Variants in FAM135B observed in about 807,000 individuals in gnomAD.
The protein encoded by FAM135B is protein FAM135B.
FAM135B carries 43 observed loss-of-function variants against 127.7 expected under a neutral mutation model. That is an observed-to-expected ratio of 0.34 (90% CI 0.26 to 0.43). The LOEUF (loss-of-function observed/expected upper bound fraction) is 0.43. FAM135B is among the 20% of genes least tolerant of loss of function. FAM135B has a pLI of 1.00. For synonymous variants in FAM135B, 670 were observed against 665.1 expected (o/e 1.01, Z -0.11); for missense variants, 1,558 against 1,725.6 (o/e 0.90, Z 1.72).
intron 13 of FAM135B, 71 bp downstream of exon 13, chr8:138,151,123 A>T: frequency 8.3e-7 from 1 of 1,208,804 alleles, no homozygotes; most frequent in Non-Finnish European, 1.1e-6. Flanking sequence ...AACAGTATGC[A>T]TGAAATGGAG....
Position 138,140,154 on chromosome 8 carries a change from G to A in FAM135B, c.3790+1044C>T, listed in dbSNP as rs1249449131. ...GAGGAAAGACAGAGTGCAGAGGAAAGGACTTCCATTTGTTATGTGCCATTG... is the reference window on the plus strand; with the variant it reads ...GAGGAAAGACAGAGTGCAGAGGAAAAGACTTCCATTTGTTATGTGCCATTG... On this transcript the variant is annotated intron_variant, in intron 17 of 19. Coordinates refer to ENST00000395297, the MANE Select transcript of FAM135B (RefSeq NM_015912.4). 4.6e-5 allele frequency among the ~76,000 whole-genome samples: 7 copies of A among 152,314 alleles called. No homozygotes were observed. In the East Asian group the frequency reaches 1.3e-3, roughly 29 times the overall value.
chr8:138,199,976 G>A lies in FAM135B; in HGVS notation c.670-2307C>T, dbSNP rs117728148. 4.5e-3 allele frequency among the ~76,000 whole-genome samples: 689 copies of A among 152,256 alleles called. 9 individuals are homozygous for A. The highest frequency in any genetic ancestry group is 0.031 in the Admixed American group (468 of 15,292). ...CCCTAGCAGGGAAGTGTAACCTTGC[G>A]GGAGCAGCTCTCTCCAGACAGGGCA... On this transcript the variant is annotated intron_variant, in intron 7 of 19. Coordinates refer to ENST00000395297, the MANE Select transcript of FAM135B (RefSeq NM_015912.4).
At chr8:138,294,096 T>C (rs1423691754) in intron 3 of FAM135B, among the ~76,000 whole-genome samples, 1 of 152,172 alleles carries the variant, frequency 6.6e-6, no homozygotes, top group Non-Finnish European at 1.5e-5. Flanking sequence ...TATTTTGCAA[T>C]AACTCAGGTG....
intron 1 of FAM135B, chr8:138,450,620 A>G (rs1372128667): frequency 6.6e-6 from 1 of 152,110 alleles, no homozygotes; most frequent in Non-Finnish European, 1.5e-5. Context: ...TTCTTTTCAT[A>G]TGGTTATTTG....
At chr8:138,179,747 G>T (rs1360196419) in intron 9 of FAM135B, among the ~76,000 whole-genome samples, 1 of 152,264 alleles carries the variant, frequency 6.6e-6, no homozygotes, top group East Asian at 1.9e-4. Flanking sequence ...AGGCTGGAGT[G>T]CAGTGGTGTG....
chr8:138,266,536 T>C (rs1360877758), intron 3 of FAM135B, among the ~76,000 whole-genome samples: 1 of 151,776 alleles, frequency 6.6e-6, no homozygotes, highest in African/African-American at 2.4e-5. Context: ...CTCCTCCAAA[T>C]TACTTAACAC....
chr8:138,142,925 G>A (rs1817332867), intron 16 of FAM135B, 87 bp downstream of exon 16: 1 of 726,610 alleles, frequency 1.4e-6, no homozygotes, highest in Non-Finnish European at 2.5e-6. Flanking sequence ...GTATACAGAA[G>A]GCATCATATT....
rs1398470643 is a variant in FAM135B, at chr8:138,178,542, G to A, written c.1022C>T (p.Thr341Ile). The change falls in exon 10 of 20, where the codon ACC becomes ATC. Residue 341 changes from threonine to isoleucine, a missense_variant. Around this residue, in one of 5 missense-constraint regions of FAM135B, gnomAD observed 115 missense variants for 171.1 expected, o/e 0.67. Transcript: ENST00000395297. ...VTTYLTQEHH[T>I]LRVRRFSEAF... The stretch of plus-strand genomic sequence containing the variant: ...CAGCAGTTGGCCACTCACCCTCAGG[G>A]TGTGGTGTTCCTGGGTGAGATAAGT... The A allele has an allele frequency of 1.9e-6, 3 of 1,613,634 alleles. No individual in the cohort carries two copies. In the African/African-American group the frequency reaches 4.0e-5, roughly 22 times the overall value.
intron 2 of FAM135B, among the ~76,000 whole-genome samples, chr8:138,335,158 C>T (rs953045901): frequency 6.6e-6 from 1 of 152,132 alleles, no homozygotes; most frequent in Non-Finnish European, 1.5e-5. Flanking sequence ...CCATGCCCAG[C>T]TCTAGACATG....
chr8:138,301,878 TC>T (rs1489811078), intron 3 of FAM135B, among the ~76,000 whole-genome samples: 1 of 152,122 alleles, frequency 6.6e-6, no homozygotes, highest in Non-Finnish European at 1.5e-5. Flanking sequence ...CAAGAACAGT[TC>T]CGTGCTGTGG....
At chr8:138,266,359 T>C (rs1822922731) in intron 3 of FAM135B, among the ~76,000 whole-genome samples, 2 of 152,154 alleles carry the variant, frequency 1.3e-5, no homozygotes, top group Admixed American at 1.3e-4. Context: ...AATCCTATTA[T>C]GCTGTATATC....
At chr8:138,488,658 T>C (rs982567244) in intron 1 of FAM135B, among the ~76,000 whole-genome samples, 2 of 151,812 alleles carry the variant, frequency 1.3e-5, no homozygotes, top group African/African-American at 4.8e-5. Context: ...GTGTGAGTGT[T>C]TTTGTTTGAT....
chr8:138,273,914 C>T (rs71532164), intron 3 of FAM135B, among the ~76,000 whole-genome samples: 74 of 152,222 alleles, frequency 4.9e-4, no homozygotes, highest in Non-Finnish European at 8.8e-4. Flanking sequence ...AGGCTCTCTA[C>T]GCCACCTACA....
chr8:138,440,077 A>G (rs1280113476), intron 1 of FAM135B: 1 of 152,238 alleles, frequency 6.6e-6, no homozygotes, highest in Non-Finnish European at 1.5e-5. Context: ...TGTTCTTGCC[A>G]GTCTCATCAG....
At chr8:138,400,674 C>T (rs1833108406) in intron 1 of FAM135B, among the ~76,000 whole-genome samples, 1 of 152,144 alleles carries the variant, frequency 6.6e-6, no homozygotes, top group Non-Finnish European at 1.5e-5. Context: ...TTTGTTTAAA[C>T]CCATCCAAGA....
intron 1 of FAM135B, among the ~76,000 whole-genome samples, chr8:138,422,671 A>G (rs529938501): frequency 6.6e-6 from 1 of 152,214 alleles, no homozygotes; most frequent in Non-Finnish European, 1.5e-5. Context: ...CAGCCACTGT[A>G]GAAAGCAGTT....
chr8:138,278,064 TG>T (rs763991492), intron 3 of FAM135B, among the ~76,000 whole-genome samples: 1 of 152,084 alleles, frequency 6.6e-6, no homozygotes, highest in Non-Finnish European at 1.5e-5. Context: ...TATAGAGGGC[TG>T]GCTGATGGTG....
intron 7 of FAM135B, among the ~76,000 whole-genome samples, chr8:138,208,458 CTCTGTT>C (rs1227498679): frequency 1.3e-5 from 2 of 152,146 alleles, no homozygotes; most frequent in South Asian, 2.1e-4. Flanking sequence ...TTTCTTTCCT[CTCTGTT>C]TCTAAGTGTT....
intron 12 of FAM135B, among the ~76,000 whole-genome samples, chr8:138,160,608 G>A (rs1464434577): frequency 1.3e-5 from 2 of 150,200 alleles, no homozygotes; most frequent in South Asian, 4.2e-4. Flanking sequence ...ATGTTGCCCA[G>A]GCTGGTCTCG....
Sources: allele counts gnomAD v4.1 joint callset (sites outside exome capture counted in the v4.1 genomes callset), GRCh38; gene constraint gnomAD v4.1.1; regional missense constraint gnomAD v4.1.1; transcripts MANE v1.5; gene names NCBI Gene and HGNC (gene_info 2026-07-23, HGNC 2026-07-21).